Variants in DOCK3 observed in about 807,000 individuals in gnomAD.
DOCK3 encodes the protein dedicator of cytokinesis 3.
Under a neutral mutation model 265.6 loss-of-function variants are expected in DOCK3, and 60 were observed. The ratio of observed to expected loss-of-function variants is 0.23; its 90% CI spans 0.18 to 0.28. DOCK3 has a LOEUF of 0.28. Ranked by LOEUF, DOCK3 falls within the 10% of genes least tolerant of loss-of-function variation. The pLI is 1.00. For missense variants in DOCK3, 1,981 were observed against 2,594.3 expected, an observed-to-expected ratio of 0.76 and a Z score of 5.14; for synonymous variants, 881 against 938.0, an observed-to-expected ratio of 0.94 and a Z score of 1.11.
At chr3:51,079,516 A>T (rs951680134) in intron 7 of DOCK3, among the ~76,000 whole-genome samples, 1 of 151,680 alleles carries the variant, frequency 6.6e-6, no homozygotes, top group African/African-American at 2.4e-5. Context: ...TTTTATTATT[A>T]TTATTTTTAT....
chr3:51,217,541 C>T (rs2089854259), intron 14 of DOCK3, among the ~76,000 whole-genome samples: 1 of 152,120 alleles, frequency 6.6e-6, no homozygotes, highest in South Asian at 2.1e-4. Context: ...GAACATGTAA[C>T]CTTTTGTTAG....
intron 12 of DOCK3, among the ~76,000 whole-genome samples, chr3:51,168,373 G>A (rs1205217634): frequency 2.6e-5 from 4 of 152,186 alleles, no homozygotes. Flanking sequence ...AAAACAGCAT[G>A]GTACTGGTAC....
chr3:50,787,788 A>G (rs142185898), intron 2 of DOCK3: 3 of 1,116,980 alleles, frequency 2.7e-6, no homozygotes, highest in African/African-American at 1.5e-5. Flanking sequence ...CTCCATAGTC[A>G]TTGCTGTTAT....
intron 12 of DOCK3, among the ~76,000 whole-genome samples, chr3:51,168,772 G>GA (rs1307034506): frequency 6.6e-6 from 1 of 152,102 alleles, no homozygotes; most frequent in African/African-American, 2.4e-5. Context: ...AGTCTGCATG[G>GA]AAAAAGACAC....
In DOCK3 at chr3:51,309,618, G is replaced by GGAGAGC. The variant is rs71084141; in HGVS notation, c.2923-583_2923-578dup. Among the ~76,000 whole-genome samples, 108 of 150,762 alleles carry GGAGAGC rather than the reference G, an allele frequency of 7.2e-4. 1 individual carries two copies. The highest frequency in any genetic ancestry group is 2.7e-3 in the South Asian group (13 of 4,746). On this transcript the variant is annotated intron_variant, in intron 27 of 52. Coordinates refer to ENST00000266037, the MANE Select transcript of DOCK3 (RefSeq NM_004947.5). ...ACCGTGGGGAGAGGGAGAGGGAGAG[G>GGAGAGC]GAGAGCGAGAGCGAGAGCGAGAGCG...
chr3:50,841,730 ATTG>A lies in DOCK3; in HGVS notation c.162+18_162+20del. On this transcript the variant is annotated intron_variant, in intron 3 of 52. Transcript: ENST00000266037. ...CAAATGTGAAGGTAATGAAAAGTTT[ATTG>A]TTACCTTTTCTAATGTAGGAAGGAA... is the stretch of plus-strand genomic sequence containing the variant. The A allele has an allele frequency of 2.9e-6, 2 of 685,230 alleles. No individual in the cohort carries two copies. Among genetic ancestry groups the A allele is most frequent in the Non-Finnish European group, 4.6e-6 (2 of 437,180 alleles). 42.4% of individuals were successfully genotyped at this position (685,230 alleles called of 1,614,324 possible). A position where few individuals can be genotyped will look rare whatever the true frequency, so the allele number is the denominator to read the frequency against.
intron 2 of DOCK3, among the ~76,000 whole-genome samples, chr3:50,825,042 T>C (rs1429673961): frequency 6.6e-6 from 1 of 152,222 alleles, no homozygotes; most frequent in Admixed American, 6.5e-5. Context: ...GGGCAGATTA[T>C]ATAATTATTT....
chr3:51,164,425 A>G (rs2107564342), intron 12 of DOCK3, among the ~76,000 whole-genome samples: 1 of 152,256 alleles, frequency 6.6e-6, no homozygotes, highest in East Asian at 1.9e-4. Flanking sequence ...GATTGAGACC[A>G]TCCTGGCTAA....
intron 25 of DOCK3, 39 bp downstream of exon 25, chr3:51,275,245 C>T (rs758078392): frequency 6.2e-7 from 1 of 1,611,564 alleles, no homozygotes; most frequent in East Asian, 2.2e-5. Context: ...TTCAGCTCTT[C>T]CCTAGTCTTG....
rs113124273 is a variant in DOCK3 at position 50,810,367 on chromosome 3, A to G, written c.122-31308A>G. ...GGAGTTTGAGACCAGCCTGGCCAAC[A>G]TGGTGAAACCCTGTCTCTACTAAAA... On this transcript the variant is annotated intron_variant, in intron 2 of 52. Transcript: ENST00000266037. Among the ~76,000 whole-genome samples, 8 of 152,214 alleles carry G rather than the reference A, an allele frequency of 5.3e-5. 2 individuals are homozygous for G. Among genetic ancestry groups the G allele is most frequent in the African/African-American group, 1.9e-4 (8 of 41,528 alleles).
At chr3:50,831,530 T>G (rs2045172522) in intron 2 of DOCK3, among the ~76,000 whole-genome samples, 1 of 152,180 alleles carries the variant, frequency 6.6e-6, no homozygotes, top group South Asian at 2.1e-4. Context: ...GTTTCCAGCT[T>G]CATCTGTGTC....
intron 9 of DOCK3, among the ~76,000 whole-genome samples, chr3:51,128,550 G>A (rs1417798068): frequency 6.6e-5 from 10 of 152,316 alleles, no homozygotes; most frequent in East Asian, 1.9e-4. Context: ...GAGGCATTCC[G>A]TGAGTCCATG....
chr3:51,128,909 A>G (rs1231717705), intron 9 of DOCK3, among the ~76,000 whole-genome samples: 1 of 152,110 alleles, frequency 6.6e-6, no homozygotes, highest in Non-Finnish European at 1.5e-5. Flanking sequence ...AAAGAGGCTG[A>G]GTGGTGTCCA....
chr3:50,937,491 A>G (rs1476866230), intron 5 of DOCK3, among the ~76,000 whole-genome samples: 4 of 151,934 alleles, frequency 2.6e-5, no homozygotes, highest in Non-Finnish European at 2.9e-5. Flanking sequence ...TGTCTCTACT[A>G]AAAATACAAA....
chr3:51,357,674 G>T (rs1256474432), intron 44 of DOCK3, 84 bp from the exon 45 acceptor site: 3 of 1,363,782 alleles, frequency 2.2e-6, no homozygotes, highest in Admixed American at 1.8e-5. Context: ...TTTTTAGGTG[G>T]CATTAGTGGA....
chr3:50,777,582 C>CT (rs753195049), intron 1 of DOCK3, among the ~76,000 whole-genome samples: 7 of 151,892 alleles, frequency 4.6e-5, no homozygotes, highest in South Asian at 2.1e-4. Context: ...TCATCTGTGA[C>CT]TTTTTTTTAG....
At chr3:51,003,653 A>G (rs953134158) in intron 5 of DOCK3, among the ~76,000 whole-genome samples, 5 of 152,306 alleles carry the variant, frequency 3.3e-5, no homozygotes, top group South Asian at 2.1e-4. Context: ...TTAATTTTCT[A>G]TCATTAATCA....
Position 51,374,837 on chromosome 3 carries a change from A to G in DOCK3, c.5412+250A>G, listed in dbSNP as rs542099423. On this transcript the variant is annotated intron_variant, in intron 50 of 52. Transcript: ENST00000266037. The surrounding 1 kb of genome is among the most constrained non-coding windows in gnomAD (Gnocchi z 4.8). Reference sequence around the variant, plus strand: ...TGGAACCAGCATTGCTCATGTAGCTATCTGTCCTTCCCGCCAGATCCTGGA... The same window carrying G: ...TGGAACCAGCATTGCTCATGTAGCTGTCTGTCCTTCCCGCCAGATCCTGGA... Among the ~76,000 whole-genome samples, 2 of 152,318 alleles carry G rather than the reference A, an allele frequency of 1.3e-5. No homozygotes were observed. Among genetic ancestry groups the G allele is most frequent in the East Asian group, 3.9e-4 (2 of 5,188 alleles).
At chr3:51,120,603 G>A (rs933722467) in intron 9 of DOCK3, among the ~76,000 whole-genome samples, 1 of 152,212 alleles carries the variant, frequency 6.6e-6, no homozygotes, top group African/African-American at 2.4e-5. Flanking sequence ...CCAGGGAGAT[G>A]GGAGTTTGAT....
Sources: allele counts gnomAD v4.1 joint callset (sites outside exome capture counted in the v4.1 genomes callset), GRCh38; gene constraint gnomAD v4.1.1; non-coding constraint Gnocchi (gnomAD v3.1); transcripts MANE v1.5; gene names NCBI Gene and HGNC (gene_info 2026-07-23, HGNC 2026-07-21).